Variants in DLG2 observed in about 807,000 individuals in gnomAD.
The protein encoded by DLG2 is disks large homolog 2.
Under a neutral mutation model 132.5 loss-of-function variants are expected in DLG2, and 45 were observed. The observed-to-expected ratio is 0.34, with a 90% CI of 0.27 to 0.44. The LOEUF is 0.44. Among genes scored for constraint, DLG2 ranks in the 20% least tolerant of loss-of-function variants. DLG2 has a pLI of 1.00. For synonymous variants in DLG2, 424 were observed against 419.6 expected, an observed-to-expected ratio of 1.01 and a Z score of -0.13; for missense variants, 1,045 against 1,196.9, an observed-to-expected ratio of 0.87 and a Z score of 1.87.
Position 85,280,101 on chromosome 11 carries a change from C to T in DLG2, c.186+5119G>A, listed in dbSNP as rs189136848. Among the ~76,000 whole-genome samples the T allele has an allele frequency of 8.4e-3, 1,274 of 151,996 alleles. 16 individuals carry two copies. Among genetic ancestry groups the T allele is most frequent in the Non-Finnish European group, 0.013 (900 of 67,934 alleles). ...AATATAATGCAGTTTTACAAAATTC[C>T]TTTTTCAAAGCATATATATATATCC... is the stretch of plus-strand genomic sequence containing the variant. On this transcript the variant is annotated intron_variant, in intron 4 of 27. Transcript: ENST00000376104.
At chr11:84,293,312 CT>C (rs894585384) in intron 7 of DLG2, among the ~76,000 whole-genome samples, 28 of 149,228 alleles carry the variant, frequency 1.9e-4, no homozygotes, top group Admixed American at 4.0e-4. Flanking sequence ...TTTATCTCAA[CT>C]TTTTTTTTTA....
At chr11:84,467,021 C>T (rs567280305) in intron 7 of DLG2, among the ~76,000 whole-genome samples, 3 of 151,190 alleles carry the variant, frequency 2.0e-5, no homozygotes, top group African/African-American at 7.3e-5. Flanking sequence ...CCTATCTTTG[C>T]TCACTAAAAG....
chr11:84,221,158 G>GT (rs990764188), intron 8 of DLG2, among the ~76,000 whole-genome samples: 4 of 151,754 alleles, frequency 2.6e-5, no homozygotes, highest in Admixed American at 1.3e-4. Flanking sequence ...CAAAACGCCT[G>GT]TATCTGTGTA....
intron 14 of DLG2, 85 bp downstream of exon 14, chr11:83,962,800 C>G: frequency 6.5e-7 from 1 of 1,533,422 alleles, no homozygotes. Flanking sequence ...TAGTTAGCAT[C>G]CAAAACAACA....
chr11:84,119,710 C>G (rs894431857), intron 9 of DLG2, among the ~76,000 whole-genome samples: 1 of 152,060 alleles, frequency 6.6e-6, no homozygotes, highest in Non-Finnish European at 1.5e-5. Flanking sequence ...CAGAACAAAC[C>G]TCTAAGAATT....
chr11:83,839,379 T>C (rs972534481), intron 16 of DLG2, among the ~76,000 whole-genome samples: 2 of 152,242 alleles, frequency 1.3e-5, no homozygotes, highest in Non-Finnish European at 2.9e-5. Context: ...AAATGATTTA[T>C]TTTTTCTAAT....
intron 2 of DLG2, among the ~76,000 whole-genome samples, chr11:85,603,076 T>G (rs1002146245): frequency 2.0e-5 from 3 of 152,182 alleles, no homozygotes; most frequent in Admixed American, 2.0e-4. Context: ...GAAATAAATG[T>G]GGATGAACAG....
intron 6 of DLG2, among the ~76,000 whole-genome samples, chr11:84,857,864 T>C (rs930872641): frequency 3.3e-5 from 5 of 152,062 alleles, no homozygotes; most frequent in Admixed American, 2.0e-4. Context: ...AATATGCTGT[T>C]ATTCACCCAA....
chr11:84,575,857 G>GTA (rs1298577122), intron 6 of DLG2, among the ~76,000 whole-genome samples: 1 of 152,124 alleles, frequency 6.6e-6, no homozygotes, highest in Non-Finnish European at 1.5e-5. Flanking sequence ...ATCTGGTATA[G>GTA]TATTTCTCAA....
chr11:84,662,084 T>C (rs1374434363), intron 6 of DLG2, among the ~76,000 whole-genome samples: 1 of 151,986 alleles, frequency 6.6e-6, no homozygotes, highest in African/African-American at 2.4e-5. Context: ...CATGATAATA[T>C]GGAAGTAGAG....
At chr11:84,806,668 G>A (rs2076036387) in intron 6 of DLG2, among the ~76,000 whole-genome samples, 1 of 152,122 alleles carries the variant, frequency 6.6e-6, no homozygotes, top group Non-Finnish European at 1.5e-5. Flanking sequence ...GAGGACCTAT[G>A]ATAAAATGGC....
chr11:85,483,828 C>A (rs187422977), intron 3 of DLG2, among the ~76,000 whole-genome samples: 441 of 149,974 alleles, frequency 2.9e-3, no homozygotes, highest in South Asian at 6.5e-3. Flanking sequence ...CCTGTAATCC[C>A]AGCTACTCAG....
At chr11:85,146,290 G>A (rs974800243) in intron 5 of DLG2, among the ~76,000 whole-genome samples, 1 of 150,634 alleles carries the variant, frequency 6.6e-6, no homozygotes, top group Non-Finnish European at 1.5e-5. Context: ...TTGGGGGAGG[G>A]ATGGCACAAG....
chr11:83,481,395 CTATT>C (rs1173369637), intron 22 of DLG2, among the ~76,000 whole-genome samples: 1 of 151,734 alleles, frequency 6.6e-6, no homozygotes, highest in Non-Finnish European at 1.5e-5. Context: ...GAACATGTGA[CTATT>C]TGATTTCTGA....
At chr11:84,962,324 G>A (rs1052675699) in intron 6 of DLG2, among the ~76,000 whole-genome samples, 1 of 152,158 alleles carries the variant, frequency 6.6e-6, no homozygotes, top group Non-Finnish European at 1.5e-5. Context: ...AGCAAACTAG[G>A]GGTAAAGAAC....
intron 7 of DLG2, among the ~76,000 whole-genome samples, chr11:84,277,411 A>G (rs2097792812): frequency 6.6e-6 from 1 of 152,216 alleles, no homozygotes; most frequent in Non-Finnish European, 1.5e-5. Flanking sequence ...TTGAAAATCA[A>G]TAACAGAACA....
At chr11:85,469,768 T>C (rs993346957) in intron 3 of DLG2, 2 of 152,236 alleles carry the variant, frequency 1.3e-5, no homozygotes, top group Non-Finnish European at 2.9e-5. Flanking sequence ...CAGGGAGCTC[T>C]AAAAGAAGCC....
chr11:85,021,471 T>A (rs1472264742), intron 6 of DLG2: 3 of 1,432,896 alleles, frequency 2.1e-6, no homozygotes, highest in Non-Finnish European at 3.0e-6. Context: ...CCCGGGCATT[T>A]CTCTCATTAA....
At chr11:84,327,329 C>T (rs1275813168) in intron 7 of DLG2, among the ~76,000 whole-genome samples, 7 of 151,910 alleles carry the variant, frequency 4.6e-5, no homozygotes, top group Non-Finnish European at 7.4e-5. Context: ...GTGATCCACC[C>T]GCCTTGGCCT....
Sources: gnomAD v4.1 joint callset for allele counts (sites outside exome capture counted in the v4.1 genomes callset) on GRCh38, gnomAD v4.1.1 for gene constraint, MANE v1.5 for transcripts, NCBI Gene and HGNC (gene_info 2026-07-23, HGNC 2026-07-21) for gene names.